Variants in MYO1D observed in about 807,000 individuals in gnomAD.
MYO1D encodes myosin ID, also known as unconventional myosin-Id.
MYO1D carries 83 observed loss-of-function variants against 122.0 expected under a neutral mutation model. The observed-to-expected ratio is 0.68, with a 90% CI of 0.57 to 0.82. The LOEUF (loss-of-function observed/expected upper bound fraction) is 0.82, where lower values mean the gene tolerates loss of function less well. MYO1D is among the 40% of genes least tolerant of loss of function. MYO1D has a pLI of 0.00. For synonymous variants in MYO1D, 464 were observed against 446.9 expected (o/e 1.04, Z -0.48); for missense variants, 1,157 against 1,269.5 (o/e 0.91, Z 1.35).
intron 16 of MYO1D, among the ~76,000 whole-genome samples, chr17:32,704,967 T>C (rs1451965968): frequency 1.3e-5 from 2 of 152,170 alleles, no homozygotes; most frequent in Non-Finnish European, 2.9e-5. Flanking sequence ...CTTGTATTGC[T>C]ATAAATTATC....
At chr17:32,507,391 G>C (rs117524765) in intron 21 of MYO1D, among the ~76,000 whole-genome samples, 1 of 152,072 alleles carries the variant, frequency 6.6e-6, no homozygotes, top group Non-Finnish European at 1.5e-5. Context: ...GTGACAGAGC[G>C]AGACCCTATC....
intron 14 of MYO1D, among the ~76,000 whole-genome samples, chr17:32,727,823 G>A (rs1370852969): frequency 1.3e-5 from 2 of 152,122 alleles, no homozygotes; most frequent in African/African-American, 2.4e-5. Context: ...TGAAACATAA[G>A]GATATAGAAA....
chr17:32,496,168 G>C (rs570190875), intron 21 of MYO1D: 1 of 152,298 alleles, frequency 6.6e-6, no homozygotes, highest in Non-Finnish European at 1.5e-5. Context: ...GGGCTCCGAC[G>C]TGCGGTGGCT....
chr17:32,777,722 G>T (rs1276249627), intron 3 of MYO1D, among the ~76,000 whole-genome samples: 1 of 151,566 alleles, frequency 6.6e-6, no homozygotes, highest in Non-Finnish European at 1.5e-5. Flanking sequence ...GAGGCGGACG[G>T]GTCACGAGGT....
At chr17:32,503,371 G>A (rs1000723061) in intron 21 of MYO1D, among the ~76,000 whole-genome samples, 2 of 152,216 alleles carry the variant, frequency 1.3e-5, no homozygotes, top group African/African-American at 2.4e-5. Context: ...GACCTGCCCT[G>A]CCCCTGCAGA....
chr17:32,829,913 A>C (rs527970673), intron 1 of MYO1D, among the ~76,000 whole-genome samples: 1 of 152,304 alleles, frequency 6.6e-6, no homozygotes, highest in East Asian at 1.9e-4. Context: ...ATAAACAGAC[A>C]TCTCTTCTAT....
At chr17:32,657,701 A>G (rs991342785) in intron 17 of MYO1D, among the ~76,000 whole-genome samples, 5 of 152,220 alleles carry the variant, frequency 3.3e-5, no homozygotes, top group African/African-American at 4.8e-5. Flanking sequence ...TTGTCACCAT[A>G]TCCCTGAAAC....
At chr17:32,790,478 C>T (rs1004132168) in intron 1 of MYO1D, among the ~76,000 whole-genome samples, 1 of 152,110 alleles carries the variant, frequency 6.6e-6, no homozygotes, top group Non-Finnish European at 1.5e-5. Flanking sequence ...TTTGTAATAC[C>T]GGTCACAAGT....
intron 16 of MYO1D, among the ~76,000 whole-genome samples, chr17:32,676,046 T>C (rs1290160612): frequency 1.3e-5 from 2 of 152,206 alleles, no homozygotes; most frequent in Non-Finnish European, 2.9e-5. Flanking sequence ...ATATTTCTGA[T>C]GTTTTCTCTT....
In MYO1D at chr17:32,843,379, G is replaced by A. The variant is rs143158173; in HGVS notation, c.95+33399C>T. The stretch of plus-strand genomic sequence containing the variant: ...TGAGTATCCATAAAGAACAAACTCC[G>A]ACGACTAAGGAAAAAATAGAGAAGT... On this transcript the variant is annotated intron_variant, in intron 1 of 21. Coordinates refer to ENST00000318217, the MANE Select transcript of MYO1D (RefSeq NM_015194.3). 8.7e-3 allele frequency among the ~76,000 whole-genome samples: 1,322 copies of A among 152,142 alleles called. 13 individuals carry two copies. The highest frequency in any genetic ancestry group is 0.015 in the Non-Finnish European group (1,018 of 67,986).
intron 1 of MYO1D, among the ~76,000 whole-genome samples, chr17:32,857,581 C>A (rs900338338): frequency 7.6e-6 from 1 of 131,332 alleles, no homozygotes; most frequent in Non-Finnish European, 1.6e-5. Context: ...CAAGACTCCA[C>A]CTCAAAAAAA....
chr17:32,760,709 T>C lies in MYO1D; in HGVS notation c.1036-82A>G, dbSNP rs1036641381. ...GGATTTGTGATCAGTTTTAAATTCC[T>C]GTCCACCTTCTCACTGTTTAGCATA... On this transcript the variant is annotated intron_variant, in intron 8 of 21. Coordinates refer to ENST00000318217, the MANE Select transcript of MYO1D (RefSeq NM_015194.3). 2.9e-6 allele frequency: 4 copies of C among 1,390,828 alleles called. No individual in the cohort carries two copies. In the African/African-American group the frequency reaches 4.3e-5, roughly 15 times the overall value. The allele number at this position is 1,390,828 out of a possible 1,614,324, so 86.2% of individuals were successfully genotyped here.
At chr17:32,733,372 T>C (rs1192705297) in intron 14 of MYO1D, among the ~76,000 whole-genome samples, 1 of 152,166 alleles carries the variant, frequency 6.6e-6, no homozygotes, top group African/African-American at 2.4e-5. Context: ...TTTAATCAAA[T>C]TGTCAGTTTG....
chr17:32,786,650 G>T (rs145629846), intron 1 of MYO1D, among the ~76,000 whole-genome samples: 266 of 152,178 alleles, frequency 1.7e-3, no homozygotes, highest in African/African-American at 6.2e-3. Context: ...CGAAACGCCG[G>T]CTCTACTAAA....
rs181138595 is a variant in MYO1D, at chr17:32,840,747, A to G, written c.95+36031T>C. Among the ~76,000 whole-genome samples, 4 of 152,328 alleles carry G rather than the reference A, an allele frequency of 2.6e-5. No homozygotes were observed. The East Asian group carries it at 7.7e-4, about 29-fold the overall frequency. On this transcript the variant is annotated intron_variant, in intron 1 of 21. Coordinates refer to ENST00000318217, the MANE Select transcript of MYO1D (RefSeq NM_015194.3). ...AGAAAGATGATTTCATTTCAAATATAAAGTCCTGGGGAAGAACTGTGGTTG... is the reference window on the plus strand; with the variant it reads ...AGAAAGATGATTTCATTTCAAATATGAAGTCCTGGGGAAGAACTGTGGTTG...
intron 7 of MYO1D, 30 bp from the exon 8 acceptor site, chr17:32,765,111 T>A: frequency 6.6e-7 from 1 of 1,504,754 alleles, no homozygotes; most frequent in Non-Finnish European, 9.2e-7. Flanking sequence ...AATAACACAT[T>A]ATGAAACATT....
chr17:32,754,211 C>G (rs567290229), intron 11 of MYO1D, among the ~76,000 whole-genome samples: 19 of 152,246 alleles, frequency 1.2e-4, no homozygotes, highest in African/African-American at 4.6e-4. Flanking sequence ...AGGACATTTG[C>G]CCATGTAATC....
At chr17:32,763,411 G>A (rs1480209433) in intron 8 of MYO1D, among the ~76,000 whole-genome samples, 1 of 152,028 alleles carries the variant, frequency 6.6e-6, no homozygotes, top group Non-Finnish European at 1.5e-5. Flanking sequence ...ATAACAAAGG[G>A]TTAAAGTTTA....
intron 21 of MYO1D, among the ~76,000 whole-genome samples, chr17:32,552,915 C>G (rs1567887361): frequency 6.6e-6 from 1 of 152,008 alleles, no homozygotes; most frequent in Admixed American, 6.6e-5. Flanking sequence ...AAAACAGCAT[C>G]AACCATTACC....
Sources: gnomAD v4.1 joint callset for allele counts (sites outside exome capture counted in the v4.1 genomes callset) on GRCh38, gnomAD v4.1.1 for gene constraint, MANE v1.5 for transcripts, NCBI Gene and HGNC (gene_info 2026-07-23, HGNC 2026-07-21) for gene names.